Variants in NAALADL2 observed in about 807,000 individuals in gnomAD.
The protein encoded by NAALADL2 is N-acetylated alpha-linked acidic dipeptidase like 2, also known as inactive N-acetylated-alpha-linked acidic dipeptidase-like protein 2.
Under a neutral mutation model 87.2 loss-of-function variants are expected in NAALADL2, and 76 were observed. The observed-to-expected ratio is 0.87, with a 90% CI of 0.72 to 1.05. The LOEUF (loss-of-function observed/expected upper bound fraction) is 1.05, where lower values mean the gene tolerates loss of function less well. Among genes scored for constraint, NAALADL2 ranks in the 50% least tolerant of loss-of-function variants. The pLI, the probability that NAALADL2 is intolerant of heterozygous loss-of-function variation, is 0.00. For synonymous variants in NAALADL2, 354 were observed against 331.0 expected (o/e 1.07, Z -0.75); for missense variants, 1,089 against 945.8 (o/e 1.15, Z -1.99).
chr3:174,800,911 G>A (rs1280273848), intron 3 of NAALADL2, among the ~76,000 whole-genome samples: 1 of 152,194 alleles, frequency 6.6e-6, no homozygotes, highest in African/African-American at 2.4e-5. Context: ...CATGGGGCTT[G>A]TAGCCCCTTT....
chr3:175,037,375 C>T (rs1462258274), intron 1 of NAALADL2, among the ~76,000 whole-genome samples: 1 of 151,886 alleles, frequency 6.6e-6, no homozygotes, highest in Non-Finnish European at 1.5e-5. Context: ...CTCAGGAGAA[C>T]CAAAGAGATG....
At chr3:174,674,374 G>A (rs1215554902) in intron 2 of NAALADL2, among the ~76,000 whole-genome samples, 3 of 151,956 alleles carry the variant, frequency 2.0e-5, no homozygotes, top group Non-Finnish European at 2.9e-5. Flanking sequence ...ATATCAGCAT[G>A]TCTAAAAGGT....
chr3:174,611,737 C>T lies in NAALADL2; in HGVS notation c.-115+61100C>T, dbSNP rs191169508. ...TCCTGACTAGCTGGGATTACAGGTGCATGCCGCCACGCCTGGCTAATTTTT... is the reference window on the plus strand; with the variant it reads ...TCCTGACTAGCTGGGATTACAGGTGTATGCCGCCACGCCTGGCTAATTTTT... On this transcript the variant is annotated intron_variant, in intron 2 of 3. Coordinates refer to the NAALADL2 transcript ENST00000434257. Among the ~76,000 whole-genome samples the T allele has an allele frequency of 4.8e-3, 735 of 151,824 alleles. 5 individuals carry two copies. The highest frequency in any genetic ancestry group is 0.017 in the African/African-American group (709 of 41,386).
intron 2 of NAALADL2, among the ~76,000 whole-genome samples, chr3:174,733,519 G>A (rs1424403501): frequency 6.6e-6 from 1 of 152,224 alleles, no homozygotes; most frequent in Non-Finnish European, 1.5e-5. Flanking sequence ...GAAAGGTTAG[G>A]AAAAGAGCCC....
intron 1 of NAALADL2, among the ~76,000 whole-genome samples, chr3:174,524,056 C>T (rs1720506898): frequency 6.6e-6 from 1 of 151,590 alleles, no homozygotes; most frequent in South Asian, 2.1e-4. Flanking sequence ...TTTTGGTCTT[C>T]TGAATTAACA....
chr3:175,223,704 A>T (rs1743745751), intron 2 of NAALADL2, among the ~76,000 whole-genome samples: 1 of 152,212 alleles, frequency 6.6e-6, no homozygotes, highest in Non-Finnish European at 1.5e-5. Flanking sequence ...TTAAAATATC[A>T]TGAACTGTTT....
intron 1 of NAALADL2, among the ~76,000 whole-genome samples, chr3:174,456,906 T>C (rs1487394046): frequency 2.0e-5 from 3 of 151,942 alleles, no homozygotes; most frequent in Non-Finnish European, 2.9e-5. Flanking sequence ...AAAGAAACTA[T>C]CAACAGAGTA....
At position 175,720,720 on chromosome 3, in the gene NAALADL2, A is replaced by T. The variant is rs141112750; in HGVS notation, c.1897-16586A>T. The stretch of plus-strand genomic sequence containing the variant: ...TTGCCTAAGTAAGAATAACAACTAG[A>T]CTGCAACTAAGGACTCCTTCATAGC... On this transcript the variant is annotated intron_variant, in intron 11 of 13. Transcript: ENST00000454872. Among the ~76,000 whole-genome samples the T allele has an allele frequency of 8.0e-4, 122 of 152,240 alleles. 1 individual carries two copies. The highest frequency in any genetic ancestry group is 5.5e-4 in the African/African-American group (23 of 41,576).
At chr3:175,049,622 A>G (rs1190983565) in intron 1 of NAALADL2, among the ~76,000 whole-genome samples, 1 of 152,162 alleles carries the variant, frequency 6.6e-6, no homozygotes, top group Non-Finnish European at 1.5e-5. Context: ...TCCACATTCC[A>G]GGTAAGGGGA....
At chr3:175,281,252 T>C (rs911301616) in intron 4 of NAALADL2, among the ~76,000 whole-genome samples, 14 of 151,810 alleles carry the variant, frequency 9.2e-5, no homozygotes, top group African/African-American at 3.4e-4. Flanking sequence ...CAATTTTAAA[T>C]AATTTTACAT....
chr3:174,981,982 T>C (rs1579848841), intron 1 of NAALADL2, among the ~76,000 whole-genome samples: 1 of 152,156 alleles, frequency 6.6e-6, no homozygotes, highest in African/African-American at 2.4e-5. Flanking sequence ...TTTAACATCA[T>C]TTGCTGAAAC....
chr3:174,925,647 C>G (rs200381332), intron 1 of NAALADL2, among the ~76,000 whole-genome samples: 1 of 152,132 alleles, frequency 6.6e-6, no homozygotes, highest in Non-Finnish European at 1.5e-5. Flanking sequence ...AGCATTGAAT[C>G]TATAAATTAC....
At chr3:174,824,469 A>G (rs1319251045) in intron 3 of NAALADL2, among the ~76,000 whole-genome samples, 1 of 152,232 alleles carries the variant, frequency 6.6e-6, no homozygotes, top group South Asian at 2.1e-4. Flanking sequence ...TATGCAAAAT[A>G]TATCACATTC....
Position 175,558,538 on chromosome 3 carries a change from G to A in NAALADL2, c.1654-17503G>A, listed in dbSNP as rs186748383. On this transcript the variant is annotated intron_variant, in intron 9 of 13. Transcript: ENST00000454872. ...AGAGTTTCTGCAATGTTTTCTTTTAGCAGTTTCATAGTTGGAAGTCTCAGA... is the reference window on the plus strand; with the variant it reads ...AGAGTTTCTGCAATGTTTTCTTTTAACAGTTTCATAGTTGGAAGTCTCAGA... Among the ~76,000 whole-genome samples the A allele has an allele frequency of 5.9e-5, 9 of 152,202 alleles. No individual in the cohort carries two copies. The East Asian group carries it at 1.7e-3, about 29-fold the overall frequency.
intron 5 of NAALADL2, among the ~76,000 whole-genome samples, chr3:175,423,051 A>ATTTATATTTT: frequency 1.1e-5 from 1 of 91,510 alleles, no homozygotes; most frequent in Non-Finnish European, 2.0e-5. Context: ...ATATATATAT[A>ATTTATATTTT]TTTTTTTTTT....
At chr3:175,461,760 G>A (rs901109051) in intron 6 of NAALADL2, among the ~76,000 whole-genome samples, 2 of 152,162 alleles carry the variant, frequency 1.3e-5, no homozygotes, top group Non-Finnish European at 2.9e-5. Context: ...ATCATTGAAA[G>A]GTGTAAGGTA....
rs1358278635 is a variant in NAALADL2, at chr3:175,148,854, A to G, written c.545+51563A>G. Among the ~76,000 whole-genome samples, 11 of 152,236 alleles carry G rather than the reference A, an allele frequency of 7.2e-5. No individual in the cohort carries two copies. The East Asian group carries it at 1.9e-3, about 27-fold the overall frequency. ...GTTTTGTTTGCTGTAACCTTAGAGA[A>G]TAGTTTGAAGTCAGGTAACGTGATA... On this transcript the variant is annotated intron_variant, in intron 2 of 13. Transcript: ENST00000454872.
intron 4 of NAALADL2, chr3:175,257,237 C>T (rs932937227): frequency 4.7e-5 from 7 of 147,702 alleles, no homozygotes; most frequent in Admixed American, 2.0e-4. Flanking sequence ...GTCAGCAAAA[C>T]TCTCTGCTTC....
At chr3:175,085,948 A>C (rs1718816150) in intron 1 of NAALADL2, among the ~76,000 whole-genome samples, 1 of 152,156 alleles carries the variant, frequency 6.6e-6, no homozygotes, top group Admixed American at 6.5e-5. Flanking sequence ...TGGGGGTAAT[A>C]GACAGGTTAT....
Sources: allele counts gnomAD v4.1 joint callset (sites outside exome capture counted in the v4.1 genomes callset), GRCh38; gene constraint gnomAD v4.1.1; transcripts MANE v1.5; gene names NCBI Gene and HGNC (gene_info 2026-07-23, HGNC 2026-07-21).